Variants in FNBP4 observed in about 807,000 individuals in gnomAD.
The protein encoded by FNBP4 is formin binding protein 4, also known as formin-binding protein 4.
In FNBP4, 34 loss-of-function variants were observed where a neutral mutation model predicts 119.3. The ratio of observed to expected loss-of-function variants is 0.28; its 90% CI spans 0.22 to 0.38. The LOEUF (loss-of-function observed/expected upper bound fraction) is 0.38. Among genes scored for constraint, FNBP4 ranks in the 10% least tolerant of loss-of-function variants. The pLI is 1.00. For synonymous variants in FNBP4, 462 were observed against 430.6 expected, an observed-to-expected ratio of 1.07 and a Z score of -0.90; for missense variants, 1,112 against 1,228.9, an observed-to-expected ratio of 0.90 and a Z score of 1.42.
intron 14 of FNBP4, 48 bp downstream of exon 14, chr11:47,723,980 G>T (rs745307581): frequency 6.4e-7 from 1 of 1,557,276 alleles, no homozygotes; most frequent in African/African-American, 1.4e-5. Flanking sequence ...ATGCTGAAAA[G>T]AAAAGAAACA....
chr11:47,764,609 C>A (rs1314772013), intron 2 of FNBP4, among the ~76,000 whole-genome samples: 1 of 151,088 alleles, frequency 6.6e-6, no homozygotes, highest in Non-Finnish European at 1.5e-5. Context: ...AAAAAGTATT[C>A]TGAACTGAAA....
chr11:47,746,519 C>CT (rs371706754), intron 6 of FNBP4, 125 bp from the exon 7 acceptor site: 65,986 of 625,360 alleles, frequency 0.11, 33 homozygotes, highest in East Asian at 0.17. Flanking sequence ...GTAAAAACGA[C>CT]TTTTTTTTTT....
intron 2 of FNBP4, among the ~76,000 whole-genome samples, chr11:47,761,117 A>G (rs1053463943): frequency 6.6e-6 from 1 of 152,178 alleles, no homozygotes; most frequent in Non-Finnish European, 1.5e-5. Flanking sequence ...ACTATTATAG[A>G]ATCACATGAA....
chr11:47,742,968 T>A (rs2097584386), intron 8 of FNBP4, among the ~76,000 whole-genome samples: 2 of 152,142 alleles, frequency 1.3e-5, no homozygotes, highest in South Asian at 4.1e-4. Context: ...TTGTTGTTTT[T>A]TTTTTGTTTG....
chr11:47,730,770 T>C (rs2097566468), intron 12 of FNBP4, among the ~76,000 whole-genome samples: 1 of 152,168 alleles, frequency 6.6e-6, no homozygotes, highest in Non-Finnish European at 1.5e-5. Flanking sequence ...AAAATGTATG[T>C]AACTAAACTA....
At position 47,767,115 on chromosome 11, in the gene FNBP4, G is replaced by C; in HGVS notation, c.174C>G (p.Thr58=). 1 of 519,572 alleles carries C rather than the reference G, an allele frequency of 1.9e-6. No homozygotes were observed. Among genetic ancestry groups the C allele is most frequent in the East Asian group, 5.3e-5 (1 of 18,780 alleles). The allele number at this position is 519,572 out of a possible 1,614,324, so 32.2% of individuals were successfully genotyped here. The stretch of plus-strand genomic sequence containing the variant: ...AGGCCGCGGCGGCAGTCACCGCGGT[G>C]GTGGTGGTCGTCGCCGCCGACGGGG... ...QPAPSAATTT[T]TAVTAAAASD... The change falls in exon 1 of 17, where the codon ACC becomes ACG. Residue 58 remains threonine (T), a synonymous_variant. Coordinates refer to ENST00000263773, the MANE Select transcript of FNBP4 (RefSeq NM_015308.5).
Position 47,732,807 on chromosome 11 carries a change from C to A in FNBP4, c.1687-137G>T. ...CAGTAGACCAGAGAGGAAAATAAAC[C>A]CCATCTTCATCTCATAAAATAATCT... On this transcript the variant is annotated intron_variant, in intron 10 of 16. Transcript: ENST00000263773. The surrounding 1 kb of genome is among the most constrained non-coding windows in gnomAD (Gnocchi z 4.2). The A allele has an allele frequency of 1.3e-6, 1 of 783,156 alleles. No individual in the cohort carries two copies. The highest frequency in any genetic ancestry group is 1.8e-5 in the South Asian group (1 of 56,320). 48.5% of individuals were successfully genotyped at this position (783,156 alleles called of 1,614,324 possible). A position where few individuals can be genotyped will look rare whatever the true frequency, so the allele number is the denominator to read the frequency against.
chr11:47,759,870 T>C (rs2097629367), intron 2 of FNBP4, among the ~76,000 whole-genome samples: 1 of 152,096 alleles, frequency 6.6e-6, no homozygotes, highest in Non-Finnish European at 1.5e-5. Context: ...GGAGAATCAC[T>C]TGAACCCAGG....
At chr11:47,739,224 C>T (rs1489130856) in intron 8 of FNBP4, among the ~76,000 whole-genome samples, 1 of 152,070 alleles carries the variant, frequency 6.6e-6, no homozygotes, top group Non-Finnish European at 1.5e-5. Context: ...GCTATTGCAT[C>T]CGGCCTAAAA....
chr11:47,743,580 G>C (rs920464600), intron 8 of FNBP4, among the ~76,000 whole-genome samples: 22 of 152,148 alleles, frequency 1.4e-4, no homozygotes, highest in Non-Finnish European at 5.9e-5. Context: ...AATGCAGCAG[G>C]AGCTCTTCGA....
At chr11:47,723,355 A>G in intron 14 of FNBP4, 39 bp from the exon 15 acceptor site, 2 of 1,554,528 alleles carry the variant, frequency 1.3e-6, no homozygotes, top group Non-Finnish European at 1.7e-6. Flanking sequence ...TAAAAAGGAC[A>G]TCATGACAAG....
At chr11:47,763,649 C>T (rs1053724220) in intron 2 of FNBP4, among the ~76,000 whole-genome samples, 8 of 151,916 alleles carry the variant, frequency 5.3e-5, no homozygotes, top group Admixed American at 6.6e-5. Flanking sequence ...TACAGGCGCC[C>T]GCCACCACGC....
intron 13 of FNBP4, 134 bp downstream of exon 13, chr11:47,724,334 G>A (rs2097558768): frequency 3.3e-6 from 5 of 1,532,042 alleles, no homozygotes; most frequent in African/African-American, 2.7e-5. Context: ...CTCCTGCTTC[G>A]ACCTCCCAAA....
intron 12 of FNBP4, chr11:47,725,873 G>T (rs1281243734): frequency 1.3e-6 from 1 of 791,314 alleles, no homozygotes; most frequent in Non-Finnish European, 1.5e-6. Context: ...AGAGACATGA[G>T]AAATCATCTA....
Position 47,723,122 on chromosome 11 carries a change from A to G in FNBP4, c.2659T>C (p.Ser887Pro). The G allele has an allele frequency of 6.2e-7, 1 of 1,614,048 alleles. No homozygotes were observed. Among genetic ancestry groups the G allele is most frequent in the African/African-American group, 1.3e-5 (1 of 75,004 alleles). Reference sequence around the variant, plus strand: ...CCTCGGGCCTGAACTGGCTGCAATGAGGGAGCAGTCACTCCAATTGGGACA... The same window carrying G: ...CCTCGGGCCTGAACTGGCTGCAATGGGGGAGCAGTCACTCCAATTGGGACA... ...CSVPIGVTAPSLQPVQARGAV... is the reference protein window; with the variant it reads ...CSVPIGVTAPPLQPVQARGAV... Residue 887 changes from serine to proline, a missense_variant, in exon 15 of 17, where the codon TCA becomes CCA. Transcript: ENST00000263773.
intron 15 of FNBP4, among the ~76,000 whole-genome samples, chr11:47,721,348 T>C (rs901384363): frequency 6.6e-6 from 1 of 152,060 alleles, no homozygotes; most frequent in Non-Finnish European, 1.5e-5. Flanking sequence ...TCTCAGCACT[T>C]TGGGAGGCCA....
intron 6 of FNBP4, among the ~76,000 whole-genome samples, chr11:47,747,779 C>A (rs2097593553): frequency 6.6e-6 from 1 of 151,946 alleles, no homozygotes; most frequent in Non-Finnish European, 1.5e-5. Flanking sequence ...GAAACCCCAT[C>A]TCTGCTAAAA....
chr11:47,767,334 C>CGGGCACTGGAGGCTGGGCGCT lies in FNBP4; in HGVS notation c.-47_-46insAGCGCCCAGCCTCCAGTGCCC. The CGGGCACTGGAGGCTGGGCGCT allele has an allele frequency of 7.0e-7, 1 of 1,429,790 alleles. No individual in the cohort carries two copies. Among genetic ancestry groups the CGGGCACTGGAGGCTGGGCGCT allele is most frequent in the East Asian group, 2.8e-5 (1 of 35,746 alleles). 88.6% of individuals were successfully genotyped at this position (1,429,790 alleles called of 1,614,324 possible). A position where few individuals can be genotyped will look rare whatever the true frequency, so the allele number is the denominator to read the frequency against. On this transcript the variant is annotated 5_prime_UTR_variant, in exon 1 of 17. Coordinates refer to ENST00000263773, the MANE Select transcript of FNBP4 (RefSeq NM_015308.5). Reference sequence around the variant, plus strand: ...GAGAGCGTCGGGCGGCCGAGAGGGGCGGGCACTGGAGGCTGGGCGCTGGGC... The same window carrying CGGGCACTGGAGGCTGGGCGCT: ...GAGAGCGTCGGGCGGCCGAGAGGGGCGGGCACTGGAGGCTGGGCGCTGGGCACTGGAGGCTGGGCGCTGGGC...
rs1043863757 is a variant in FNBP4, at chr11:47,765,201, G to A, written c.313+69C>T. 1.1e-5 allele frequency: 11 copies of A among 1,007,410 alleles called. No individual in the cohort carries two copies. The African/African-American group carries it at 1.5e-4, about 13-fold the overall frequency. The allele number at this position is 1,007,410 out of a possible 1,614,324, so 62.4% of individuals were successfully genotyped here. A position where few individuals can be genotyped will look rare whatever the true frequency, so the allele number is the denominator to read the frequency against. On this transcript the variant is annotated intron_variant, in intron 2 of 16. Transcript: ENST00000263773. ...TAAAGCATTCAGCAAAACATTCTATGTACAAACCCAACTTGACTTTAATGA... is the reference window on the plus strand; with the variant it reads ...TAAAGCATTCAGCAAAACATTCTATATACAAACCCAACTTGACTTTAATGA...
Sources: gnomAD v4.1 joint callset for allele counts (sites outside exome capture counted in the v4.1 genomes callset) on GRCh38, gnomAD v4.1.1 for gene constraint, Gnocchi (gnomAD v3.1) non-coding constraint, MANE v1.5 for transcripts, NCBI Gene and HGNC (gene_info 2026-07-23, HGNC 2026-07-21) for gene names.